Variants in AUTS2 observed in about 807,000 individuals in gnomAD.
AUTS2 encodes activator of transcription and developmental regulator AUTS2.
Under a neutral mutation model 112.4 loss-of-function variants are expected in AUTS2, and 17 were observed. That is an observed-to-expected ratio of 0.15 (90% CI 0.10 to 0.23). The LOEUF (loss-of-function observed/expected upper bound fraction) is 0.23, where lower values mean the gene tolerates loss of function less well. AUTS2 is among the 10% of genes least tolerant of loss of function. AUTS2 has a pLI of 1.00. For missense variants in AUTS2, 1,510 were observed against 1,701.6 expected (o/e 0.89, Z 1.98); for synonymous variants, 751 against 702.7 (o/e 1.07, Z -1.09).
At chr7:70,346,842 C>A (rs1049422702) in intron 4 of AUTS2, among the ~76,000 whole-genome samples, 21 of 152,258 alleles carry the variant, frequency 1.4e-4, no homozygotes, top group African/African-American at 5.1e-4. Flanking sequence ...CAAGCCATTC[C>A]CCTCACGTGA....
At chr7:70,028,212 C>CT (rs1284244956) in intron 2 of AUTS2, among the ~76,000 whole-genome samples, 2 of 152,120 alleles carry the variant, frequency 1.3e-5, no homozygotes, top group African/African-American at 4.8e-5. Flanking sequence ...TGCTCTGTGT[C>CT]TTTTCAGGTC....
intron 1 of AUTS2, among the ~76,000 whole-genome samples, chr7:69,873,189 C>T (rs967350660): frequency 6.6e-6 from 1 of 152,002 alleles, no homozygotes; most frequent in Non-Finnish European, 1.5e-5. Context: ...GATTAATGTT[C>T]CAGGATTTAT....
At chr7:69,709,685 A>G (rs968282891) in intron 1 of AUTS2, among the ~76,000 whole-genome samples, 4 of 152,216 alleles carry the variant, frequency 2.6e-5, no homozygotes, top group Admixed American at 1.3e-4. Flanking sequence ...GGGCAAAATA[A>G]GAGATTTTCC....
At chr7:70,574,326 A>G (rs1297340321) in intron 5 of AUTS2, among the ~76,000 whole-genome samples, 5 of 152,238 alleles carry the variant, frequency 3.3e-5, no homozygotes, top group Non-Finnish European at 5.9e-5. Context: ...AGGTCCCTGC[A>G]GAGAGAGCTC....
At chr7:70,093,476 T>A (rs1450227934) in intron 2 of AUTS2, among the ~76,000 whole-genome samples, 1 of 152,250 alleles carries the variant, frequency 6.6e-6, no homozygotes. Flanking sequence ...CTGACTTCCT[T>A]CACTTTTATG....
chr7:69,829,439 C>A (rs762152588), intron 1 of AUTS2, among the ~76,000 whole-genome samples: 5 of 152,128 alleles, frequency 3.3e-5, no homozygotes, highest in Admixed American at 6.5e-5. Context: ...AAGAAACTAT[C>A]ATCAGAGTGA....
intron 5 of AUTS2, among the ~76,000 whole-genome samples, chr7:70,645,314 C>A (rs1465518543): frequency 6.6e-6 from 1 of 151,294 alleles, no homozygotes; most frequent in Non-Finnish European, 1.5e-5. Flanking sequence ...CCCCAGACCC[C>A]TCTCTTCCCT....
Position 70,766,377 on chromosome 7 carries a change from CTCTTT to C in AUTS2, c.1689+49_1689+53del. On this transcript the variant is annotated intron_variant, in intron 9 of 18. Transcript: ENST00000342771. This position sits in a 1 kb window ranked among gnomAD's most constrained non-coding sequence, Gnocchi z 4.8. The stretch of plus-strand genomic sequence containing the variant: ...AAATGTGAGGATAAGTAGAGCACGA[CTCTTT>C]TCTTTATGCAGCACGTGGGACCGGG... The C allele has an allele frequency of 1.2e-6, 2 of 1,604,988 alleles. No homozygotes were observed. Among genetic ancestry groups the C allele is most frequent in the South Asian group, 2.2e-5 (2 of 90,618 alleles).
chr7:70,446,568 A>T (rs1282119702), intron 5 of AUTS2, among the ~76,000 whole-genome samples: 1 of 152,194 alleles, frequency 6.6e-6, no homozygotes, highest in Non-Finnish European at 1.5e-5. Context: ...TTTTCCGCTA[A>T]TGGTAGTCGT....
intron 2 of AUTS2, among the ~76,000 whole-genome samples, chr7:70,048,686 A>G (rs146278877): frequency 1.2e-3 from 183 of 152,306 alleles, no homozygotes; most frequent in African/African-American, 4.0e-3. Flanking sequence ...AAATTTTGCA[A>G]ATCATCATAT....
intron 5 of AUTS2, among the ~76,000 whole-genome samples, chr7:70,693,570 G>C (rs1386994599): frequency 6.6e-6 from 1 of 152,334 alleles, no homozygotes; most frequent in Non-Finnish European, 1.5e-5. Context: ...TTGTGTCTGA[G>C]ACCCAGACCG....
At chr7:69,696,514 T>TGAGA (rs1286985745) in intron 1 of AUTS2, among the ~76,000 whole-genome samples, 2 of 152,220 alleles carry the variant, frequency 1.3e-5, no homozygotes, top group Non-Finnish European at 2.9e-5. Flanking sequence ...CCTCCCTCTT[T>TGAGA]GAGCACTCTG....
rs1795070432 is a variant in AUTS2 at position 69,647,345 on chromosome 7, C to T, written c.309+47383C>T. The stretch of plus-strand genomic sequence containing the variant: ...CTCAAAATTAGATCAAATGGTCAGA[C>T]ACTTTCACTATCTTTTTTTTTTTTT... On this transcript the variant is annotated intron_variant, in intron 1 of 18. Coordinates refer to ENST00000342771, the MANE Select transcript of AUTS2 (RefSeq NM_015570.4). Among the ~76,000 whole-genome samples, 6 of 151,094 alleles carry T rather than the reference C, an allele frequency of 4.0e-5. No homozygotes were observed. The South Asian group carries it at 1.3e-3, about 32-fold the overall frequency.
chr7:70,629,048 C>A (rs890200217), intron 5 of AUTS2, among the ~76,000 whole-genome samples: 1 of 152,160 alleles, frequency 6.6e-6, no homozygotes, highest in Non-Finnish European at 1.5e-5. Flanking sequence ...CATCGCGGGG[C>A]AGTCGGGTTT....
At chr7:69,985,656 C>T (rs2129550778) in intron 2 of AUTS2, among the ~76,000 whole-genome samples, 1 of 152,324 alleles carries the variant, frequency 6.6e-6, no homozygotes, top group South Asian at 2.1e-4. Context: ...TGCTCTACCA[C>T]ACATCCCCAT....
At chr7:70,657,544 G>T (rs1248403391) in intron 5 of AUTS2, among the ~76,000 whole-genome samples, 1 of 152,220 alleles carries the variant, frequency 6.6e-6, no homozygotes, top group Admixed American at 6.5e-5. Flanking sequence ...AGGAGAATTT[G>T]TTAAAAACCT....
chr7:70,511,780 T>G (rs1442423158), intron 5 of AUTS2, among the ~76,000 whole-genome samples: 1 of 151,982 alleles, frequency 6.6e-6, no homozygotes, highest in East Asian at 1.9e-4. Context: ...TTCACCACGT[T>G]GGCCAGGCTG....
chr7:70,142,795 C>CT (rs1036790954), intron 4 of AUTS2, among the ~76,000 whole-genome samples: 1 of 152,044 alleles, frequency 6.6e-6, no homozygotes, highest in African/African-American at 2.4e-5. Flanking sequence ...TCATTTTCAT[C>CT]TTTTTTTCTG....
chr7:70,517,946 G>A (rs1363151976), intron 5 of AUTS2, among the ~76,000 whole-genome samples: 1 of 152,154 alleles, frequency 6.6e-6, no homozygotes, highest in Admixed American at 6.5e-5. Flanking sequence ...AGAATGGGCT[G>A]GCAAGAAATG....
Sources: gnomAD v4.1 joint callset for allele counts (sites outside exome capture counted in the v4.1 genomes callset) on GRCh38, gnomAD v4.1.1 for gene constraint, Gnocchi (gnomAD v3.1) non-coding constraint, MANE v1.5 for transcripts, NCBI Gene and HGNC (gene_info 2026-07-23, HGNC 2026-07-21) for gene names.